ZNRF3: variants seen among roughly 807,000 people sequenced by gnomAD.
The protein encoded by ZNRF3 is zinc and ring finger 3.
A neutral mutation model predicts 72.5 loss-of-function variants in ZNRF3; 23 were observed. The observed-to-expected ratio is 0.32, with a 90% CI of 0.23 to 0.45. The LOEUF is 0.45. Ranked by LOEUF, ZNRF3 falls within the 20% of genes least tolerant of loss-of-function variation. ZNRF3 has a pLI of 1.00. For missense variants in ZNRF3, 1,169 were observed against 1,272.1 expected, an observed-to-expected ratio of 0.92 and a Z score of 1.23; for synonymous variants, 610 against 545.3, an observed-to-expected ratio of 1.12 and a Z score of -1.65.
intron 1 of ZNRF3, among the ~76,000 whole-genome samples, chr22:28,909,842 C>T (rs1251581771): frequency 1.3e-5 from 2 of 151,296 alleles, no homozygotes; most frequent in Non-Finnish European, 2.9e-5. Flanking sequence ...ATCCATTCAC[C>T]TCGGCCTTCC....
chr22:29,033,243 C>T (rs574621935), intron 2 of ZNRF3, among the ~76,000 whole-genome samples: 1 of 148,918 alleles, frequency 6.7e-6, no homozygotes, highest in Admixed American at 6.8e-5. Context: ...CCCAACTACT[C>T]GGGAGGCTAA....
chr22:28,943,204 G>A (rs548611412), intron 1 of ZNRF3, among the ~76,000 whole-genome samples: 4 of 151,140 alleles, frequency 2.6e-5, no homozygotes, highest in Admixed American at 6.6e-5. Context: ...CCCCTCCCCC[G>A]GGGGTCCTCC....
intron 1 of ZNRF3, among the ~76,000 whole-genome samples, chr22:28,966,516 A>G (rs979950384): frequency 9.8e-5 from 15 of 152,340 alleles, no homozygotes; most frequent in African/African-American, 3.6e-4. Flanking sequence ...TACTGCGACT[A>G]AAGACCTTCC....
At chr22:28,917,803 C>A (rs1054897081) in intron 1 of ZNRF3, among the ~76,000 whole-genome samples, 1 of 152,194 alleles carries the variant, frequency 6.6e-6, no homozygotes, top group Non-Finnish European at 1.5e-5. Flanking sequence ...CCACAGGGTA[C>A]CATTTAGAAC....
intron 2 of ZNRF3, among the ~76,000 whole-genome samples, chr22:29,041,505 C>T (rs979331512): frequency 6.6e-6 from 1 of 152,214 alleles, no homozygotes; most frequent in African/African-American, 2.4e-5. Context: ...AATCCCGTCA[C>T]TTCTCATTTG....
intron 1 of ZNRF3, among the ~76,000 whole-genome samples, chr22:28,884,678 C>T (rs2123738679): frequency 6.6e-6 from 1 of 152,274 alleles, no homozygotes; most frequent in South Asian, 2.1e-4. Context: ...GGAAGGCAGC[C>T]CTCGCTGCAT....
At chr22:28,930,355 G>A (rs549207023) in intron 1 of ZNRF3, among the ~76,000 whole-genome samples, 1 of 152,328 alleles carries the variant, frequency 6.6e-6, no homozygotes, top group East Asian at 1.9e-4. Context: ...GGAGGTACTA[G>A]AGAGTAGTTT....
At chr22:29,002,680 T>C (rs578070461) in intron 2 of ZNRF3, among the ~76,000 whole-genome samples, 1 of 152,352 alleles carries the variant, frequency 6.6e-6, no homozygotes, top group African/African-American at 2.4e-5. Context: ...ATAGGTGTCT[T>C]TGTGGGATGG....
At chr22:28,918,927 T>C (rs927266802) in intron 1 of ZNRF3, among the ~76,000 whole-genome samples, 4 of 152,156 alleles carry the variant, frequency 2.6e-5, no homozygotes, top group African/African-American at 4.8e-5. Context: ...AAATACCGGA[T>C]TGGGGGCACC....
rs2033936548 is a variant in ZNRF3, at chr22:28,893,685, A to G, written c.300+9619A>G. 3.3e-5 allele frequency among the ~76,000 whole-genome samples: 5 copies of G among 152,008 alleles called. 1 individual carries two copies. Among genetic ancestry groups the G allele is most frequent in the Admixed American group, 3.3e-4 (5 of 15,262 alleles). On this transcript the variant is annotated intron_variant, in intron 1 of 8. Transcript: ENST00000544604. ...GCTAATGTTTGTATTTTCTGTAGAGATGGGGTTTCCCCATGTTGCTCAGGC... is the reference window on the plus strand; with the variant it reads ...GCTAATGTTTGTATTTTCTGTAGAGGTGGGGTTTCCCCATGTTGCTCAGGC...
chr22:28,968,909 G>C (rs966014259), intron 1 of ZNRF3, among the ~76,000 whole-genome samples: 2 of 152,114 alleles, frequency 1.3e-5, no homozygotes, highest in African/African-American at 4.8e-5. Flanking sequence ...CAACAGCCTT[G>C]TGTTTACTTC....
chr22:28,926,909 G>T (rs1301113720), intron 1 of ZNRF3, among the ~76,000 whole-genome samples: 1 of 151,770 alleles, frequency 6.6e-6, no homozygotes, highest in African/African-American at 2.4e-5. Flanking sequence ...ATCACTTGAG[G>T]TCAGGAGTTT....
At chr22:28,983,482 T>A (rs1601628278) in intron 1 of ZNRF3, among the ~76,000 whole-genome samples, 1 of 152,268 alleles carries the variant, frequency 6.6e-6, no homozygotes, top group Admixed American at 6.5e-5. Flanking sequence ...CTGCAGTGGG[T>A]CAGGCCTCGG....
chr22:28,933,706 A>ACCCCCC (rs1569250994), intron 1 of ZNRF3, among the ~76,000 whole-genome samples: 1 of 59,642 alleles, frequency 1.7e-5, no homozygotes, highest in African/African-American at 7.3e-5. Context: ...CTCCTATCAC[A>ACCCCCC]CCCCCACCCC....
intron 2 of ZNRF3, among the ~76,000 whole-genome samples, chr22:29,013,161 A>G (rs1457321494): frequency 6.6e-6 from 1 of 152,160 alleles, no homozygotes; most frequent in African/African-American, 2.4e-5. Flanking sequence ...TACTTCCCAG[A>G]AGTCCTCAGC....
At chr22:29,002,909 T>C (rs1233049682) in intron 2 of ZNRF3, among the ~76,000 whole-genome samples, 1 of 152,182 alleles carries the variant, frequency 6.6e-6, no homozygotes. Context: ...GGCTTGACAC[T>C]AACTAGACCA....
intron 2 of ZNRF3, among the ~76,000 whole-genome samples, chr22:29,005,896 G>A (rs1252420027): frequency 2.6e-5 from 4 of 152,088 alleles, no homozygotes; most frequent in African/African-American, 7.2e-5. Context: ...TTAGCTGGGC[G>A]TGGTGGTGCA....
intron 1 of ZNRF3, among the ~76,000 whole-genome samples, chr22:28,924,210 C>G (rs2034560624): frequency 6.6e-6 from 1 of 152,196 alleles, no homozygotes; most frequent in African/African-American, 2.4e-5. Context: ...CTGGAGGGCT[C>G]CACTCTGGCC....
rs143212738 is a variant in ZNRF3, at chr22:28,917,117, C to A, written c.300+33051C>A. ...TCATCTGCCTGCCACTGTGTGATTG[C>A]CTAGAAGCGTCGGCCAGGTGGCAGG... is the stretch of plus-strand genomic sequence containing the variant. On this transcript the variant is annotated intron_variant, in intron 1 of 8. Transcript: ENST00000544604. 2.0e-3 allele frequency among the ~76,000 whole-genome samples: 303 copies of A among 152,250 alleles called. 2 individuals are homozygous for A. Among genetic ancestry groups the A allele is most frequent in the African/African-American group, 6.9e-3 (285 of 41,546 alleles).
Sources: gnomAD v4.1 joint callset for allele counts (sites outside exome capture counted in the v4.1 genomes callset) on GRCh38, gnomAD v4.1.1 for gene constraint, MANE v1.5 for transcripts, NCBI Gene and HGNC (gene_info 2026-07-23, HGNC 2026-07-21) for gene names.